Variants in TCF12 observed in about 807,000 individuals in gnomAD.
TCF12 encodes DNA-binding protein HTF4.
Under a neutral mutation model 86.0 loss-of-function variants are expected in TCF12, and 45 were observed. The ratio of observed to expected loss-of-function variants is 0.52; its 90% confidence interval spans 0.41 to 0.67. The LOEUF (loss-of-function observed/expected upper bound fraction) is 0.67, where lower values mean the gene tolerates loss of function less well. Ranked by LOEUF, TCF12 falls within the 30% of genes least tolerant of loss-of-function variation. The pLI is 0.00. For missense variants in TCF12, 881 were observed against 859.9 expected (o/e 1.02, Z -0.31); for synonymous variants, 330 against 299.6 (o/e 1.10, Z -1.05).
intron 8 of TCF12, among the ~76,000 whole-genome samples, chr15:57,211,625 C>T (rs1473194629): frequency 6.6e-6 from 1 of 152,100 alleles, no homozygotes; most frequent in Admixed American, 6.6e-5. Context: ...AGGGTTTAGA[C>T]TTTTAATTAT....
chr15:57,018,097 C>T (rs2065257897), intron 3 of TCF12, among the ~76,000 whole-genome samples: 1 of 152,140 alleles, frequency 6.6e-6, no homozygotes, highest in African/African-American at 2.4e-5. Flanking sequence ...AAGGAAGAAG[C>T]TGAGGCAAAA....
intron 20 of TCF12, among the ~76,000 whole-genome samples, chr15:57,283,756 G>T (rs926882686): frequency 2.0e-5 from 3 of 152,176 alleles, no homozygotes; most frequent in Non-Finnish European, 4.4e-5. Flanking sequence ...TTGATAGATT[G>T]TTTGATAGAT....
intron 6 of TCF12, among the ~76,000 whole-genome samples, chr15:57,177,591 T>C (rs2056017899): frequency 3.0e-5 from 2 of 65,776 alleles, no homozygotes; most frequent in Non-Finnish European, 6.3e-5. Context: ...TTTAATGTCC[T>C]ATTTTTGTTA....
chr15:56,920,127 A>G (rs574853798), intron 2 of TCF12, 139 bp downstream of exon 2: 7 of 899,936 alleles, frequency 7.8e-6, no homozygotes, highest in East Asian at 2.7e-5. Flanking sequence ...CTGCTTAAGC[A>G]GTAGTTCTCA....
chr15:57,042,689 C>G (rs2066976946), intron 3 of TCF12, among the ~76,000 whole-genome samples: 1 of 152,148 alleles, frequency 6.6e-6, no homozygotes, highest in Admixed American at 6.5e-5. Flanking sequence ...GCTGGGATTA[C>G]AAATGTGAGC....
chr15:56,984,014 A>AAAAAAAAAAAAAGAAG (rs777234282), intron 3 of TCF12, among the ~76,000 whole-genome samples: 11 of 104,448 alleles, frequency 1.1e-4, no homozygotes, highest in African/African-American at 5.0e-4. Flanking sequence ...AAAAAAAAAA[A>AAAAAAAAAAAAAGAAG]AAGAAGAAGA....
At chr15:57,251,695 T>G (rs1331193843) in intron 14 of TCF12, among the ~76,000 whole-genome samples, 2 of 152,244 alleles carry the variant, frequency 1.3e-5, no homozygotes, top group African/African-American at 2.4e-5. Context: ...GCTTAATCTT[T>G]CTATGCTTCT....
Position 57,289,340 on chromosome 15 carries a change from C to G in TCF12, c.*3195C>G, listed in dbSNP as rs1394763324. 6.6e-6 allele frequency: 1 copy of G among 152,086 alleles called. No individual in the cohort carries two copies. The highest frequency in any genetic ancestry group is 1.5e-5 in the Non-Finnish European group (1 of 68,030). 9.4% of individuals were successfully genotyped at this position (152,086 alleles called of 1,614,324 possible). A position where few individuals can be genotyped will look rare whatever the true frequency, so the allele number is the denominator to read the frequency against. ...AGCTGAAATAAAATATAGAGACCAT[C>G]TAGTAAATGACCTCATTAATATATC... On this transcript the variant is annotated 3_prime_UTR_variant, in exon 21 of 21. Coordinates refer to ENST00000333725, the MANE Select transcript of TCF12 (RefSeq NM_207037.2).
intron 5 of TCF12, among the ~76,000 whole-genome samples, chr15:57,157,346 T>C (rs1294351564): frequency 6.6e-6 from 1 of 151,688 alleles, no homozygotes. Context: ...AATGAAAATG[T>C]CTTTATTTCT....
At chr15:57,233,486 T>A (rs777580687) in intron 11 of TCF12, among the ~76,000 whole-genome samples, 1 of 152,122 alleles carries the variant, frequency 6.6e-6, no homozygotes, top group Non-Finnish European at 1.5e-5. Context: ...CCTCTTTTTT[T>A]ATTTTTATTC....
chr15:57,247,852 C>G, intron 13 of TCF12: 1 of 756,202 alleles, frequency 1.3e-6, no homozygotes, highest in Non-Finnish European at 2.4e-6. Flanking sequence ...GTCTCATTAC[C>G]ACACAATCTG....
chr15:56,989,094 G>C (rs1486601610), intron 3 of TCF12, among the ~76,000 whole-genome samples: 1 of 151,992 alleles, frequency 6.6e-6, no homozygotes, highest in African/African-American at 2.4e-5. Context: ...TTTTGATGTT[G>C]ATTTCCTAGC....
chr15:57,041,978 T>G (rs1263931209), intron 3 of TCF12, among the ~76,000 whole-genome samples: 2 of 152,256 alleles, frequency 1.3e-5, no homozygotes, highest in Non-Finnish European at 2.9e-5. Flanking sequence ...AGCCTTGGAT[T>G]GGGACCTGTA....
intron 3 of TCF12, among the ~76,000 whole-genome samples, chr15:56,948,741 A>G (rs1595808232): frequency 6.6e-6 from 1 of 152,222 alleles, no homozygotes; most frequent in Admixed American, 6.5e-5. Context: ...AGACCTCTGT[A>G]GGAACATCAA....
chr15:57,100,553 TTATC>T (rs1348279203), intron 5 of TCF12, among the ~76,000 whole-genome samples: 3 of 152,000 alleles, frequency 2.0e-5, no homozygotes, highest in Non-Finnish European at 4.4e-5. Context: ...ATGAGCCACT[TTATC>T]TAGCCCAGAC....
chr15:56,957,041 A>G (rs2061530715), intron 3 of TCF12, among the ~76,000 whole-genome samples: 1 of 152,200 alleles, frequency 6.6e-6, no homozygotes, highest in Admixed American at 6.5e-5. Context: ...TCATGGGAGT[A>G]GGTTTGCCCC....
intron 5 of TCF12, among the ~76,000 whole-genome samples, chr15:57,151,129 C>T (rs2053724710): frequency 1.3e-5 from 2 of 150,768 alleles, no homozygotes; most frequent in Admixed American, 1.3e-4. Context: ...AAGGATGCAC[C>T]ATGCCTGGCC....
At chr15:57,213,500 ATAACT>A (rs1232584624) in intron 8 of TCF12, among the ~76,000 whole-genome samples, 3 of 152,228 alleles carry the variant, frequency 2.0e-5, no homozygotes, top group East Asian at 3.8e-4. Flanking sequence ...GGACCAAAAA[ATAACT>A]TAATGTATAA....
chr15:57,067,285 A>G (rs1252887242), intron 4 of TCF12, among the ~76,000 whole-genome samples: 2 of 152,174 alleles, frequency 1.3e-5, no homozygotes, highest in African/African-American at 4.8e-5. Flanking sequence ...TCACGCCTGT[A>G]ATCCCAGCAC....
Sources: gnomAD v4.1 joint callset for allele counts (sites outside exome capture counted in the v4.1 genomes callset) on GRCh38, gnomAD v4.1.1 for gene constraint, MANE v1.5 for transcripts, NCBI Gene and HGNC (gene_info 2026-07-23, HGNC 2026-07-21) for gene names.